Variants in SEMA5A observed in about 807,000 individuals in gnomAD.
SEMA5A encodes the protein semaphorin 5A.
SEMA5A carries 55 observed loss-of-function variants against 135.5 expected under a neutral mutation model. The observed-to-expected ratio is 0.41, with a 90% CI of 0.33 to 0.51. The LOEUF (loss-of-function observed/expected upper bound fraction) is 0.51. SEMA5A is among the 20% of genes least tolerant of loss of function. The probability of loss-of-function intolerance (pLI) is 0.37; values close to 1 mark genes in which losing one functional copy is unlikely to be tolerated. For synonymous variants in SEMA5A, 580 were observed against 546.5 expected, an observed-to-expected ratio of 1.06 and a Z score of -0.85; for missense variants, 1,290 against 1,419.9, an observed-to-expected ratio of 0.91 and a Z score of 1.47.
At chr5:9,334,746 A>G (rs1171840645) in intron 4 of SEMA5A, among the ~76,000 whole-genome samples, 2 of 152,190 alleles carry the variant, frequency 1.3e-5, no homozygotes, top group Admixed American at 6.5e-5. Flanking sequence ...CTCTAGAATA[A>G]AAAACTACAG....
intron 16 of SEMA5A, among the ~76,000 whole-genome samples, chr5:9,107,105 C>T (rs1297660861): frequency 6.6e-6 from 1 of 152,192 alleles, no homozygotes; most frequent in Non-Finnish European, 1.5e-5. Context: ...GATAAAGATG[C>T]TGCAAAGGCC....
At chr5:9,157,263 T>C (rs2150269892) in intron 11 of SEMA5A, among the ~76,000 whole-genome samples, 1 of 152,328 alleles carries the variant, frequency 6.6e-6, no homozygotes, top group South Asian at 2.1e-4. Flanking sequence ...ACATGTTTGG[T>C]CACAGCCTTC....
chr5:9,410,402 C>T lies in SEMA5A; in HGVS notation c.-78+27354G>A, dbSNP rs942284525. Among the ~76,000 whole-genome samples the T allele has an allele frequency of 3.9e-5, 6 of 152,288 alleles. No individual in the cohort carries two copies. In the South Asian group the frequency reaches 8.3e-4, roughly 21 times the overall value. ...GTTCCATTTTCCTGGGGCTGTTTTA[C>T]TGCGTGACTTCCCTGGGCATTCAAC... On this transcript the variant is annotated intron_variant, in intron 2 of 22. Transcript: ENST00000382496.
intron 8 of SEMA5A, among the ~76,000 whole-genome samples, chr5:9,219,809 A>T (rs886217290): frequency 1.3e-5 from 2 of 152,190 alleles, no homozygotes; most frequent in African/African-American, 4.8e-5. Flanking sequence ...AGATTGAAAA[A>T]CAAAGAAATG....
chr5:9,466,483 T>C (rs1238006830), intron 1 of SEMA5A, among the ~76,000 whole-genome samples: 6 of 152,056 alleles, frequency 3.9e-5, no homozygotes, highest in Admixed American at 6.5e-5. Flanking sequence ...ATTGAAGGGC[T>C]ACTGAGCAGT....
At chr5:9,123,917 C>T (rs919279546) in intron 13 of SEMA5A, among the ~76,000 whole-genome samples, 3 of 152,050 alleles carry the variant, frequency 2.0e-5, no homozygotes, top group African/African-American at 7.2e-5. Flanking sequence ...GGAGAGAACA[C>T]CCAACATGCT....
chr5:9,201,114 A>T (rs1411063628), intron 9 of SEMA5A, among the ~76,000 whole-genome samples: 1 of 152,210 alleles, frequency 6.6e-6, no homozygotes, highest in Non-Finnish European at 1.5e-5. Flanking sequence ...GGTGATCCAA[A>T]TCAGAACCCA....
chr5:9,308,365 A>G (rs1751969352), intron 5 of SEMA5A, among the ~76,000 whole-genome samples: 1 of 152,108 alleles, frequency 6.6e-6, no homozygotes, highest in Non-Finnish European at 1.5e-5. Context: ...GTTGGTTATA[A>G]ATCGCCACAG....
At chr5:9,342,685 G>A (rs34333927) in intron 3 of SEMA5A, among the ~76,000 whole-genome samples, 28,485 of 152,088 alleles carry the variant, frequency 0.19, 2,969 homozygotes, top group Non-Finnish European at 0.22. Flanking sequence ...ACAAAATAAC[G>A]CTAACAATAT....
rs144967099 is a variant in SEMA5A at position 9,416,758 on chromosome 5, A to G, written c.-78+20998T>C. Among the ~76,000 whole-genome samples the G allele has an allele frequency of 1.4e-3, 206 of 152,316 alleles. 2 individuals are homozygous for G. The highest frequency in any genetic ancestry group is 4.6e-3 in the African/African-American group (193 of 41,576). On this transcript the variant is annotated intron_variant, in intron 2 of 22. Coordinates refer to ENST00000382496, the MANE Select transcript of SEMA5A (RefSeq NM_003966.3). Reference sequence around the variant, plus strand: ...TTCCCCTCCTCAGGAACATTTGGCAATACCTGGGGACAATTCTGGTTACCA... The same window carrying G: ...TTCCCCTCCTCAGGAACATTTGGCAGTACCTGGGGACAATTCTGGTTACCA...
At chr5:9,407,246 T>C (rs1756921845) in intron 2 of SEMA5A, among the ~76,000 whole-genome samples, 1 of 152,228 alleles carries the variant, frequency 6.6e-6, no homozygotes, top group African/African-American at 2.4e-5. Context: ...ACAAGTAGAC[T>C]AAACATAAAG....
chr5:9,351,534 C>T (rs1034166770), intron 3 of SEMA5A, among the ~76,000 whole-genome samples: 2 of 151,990 alleles, frequency 1.3e-5, no homozygotes, highest in African/African-American at 4.8e-5. Context: ...TACTGTCTCA[C>T]AGAAACCAGT....
chr5:9,188,267 C>G (rs1291126266), intron 11 of SEMA5A, among the ~76,000 whole-genome samples: 4 of 152,228 alleles, frequency 2.6e-5, no homozygotes, highest in Non-Finnish European at 4.4e-5. Flanking sequence ...CCACCATGAT[C>G]TTAGACTTCT....
At chr5:9,050,288 T>A in intron 21 of SEMA5A, 122 bp downstream of exon 21, 1 of 834,674 alleles carries the variant, frequency 1.2e-6, no homozygotes, top group Non-Finnish European at 1.8e-6. Flanking sequence ...CTGGGATCCA[T>A]GACTTTCTCC....
intron 10 of SEMA5A, among the ~76,000 whole-genome samples, chr5:9,196,726 T>C (rs1464892252): frequency 6.6e-6 from 1 of 152,212 alleles, no homozygotes; most frequent in Non-Finnish European, 1.5e-5. Context: ...TCACATTCTG[T>C]CCTTCCCAAC....
chr5:9,130,032 C>T (rs953683874), intron 13 of SEMA5A, among the ~76,000 whole-genome samples: 3 of 152,174 alleles, frequency 2.0e-5, no homozygotes, highest in Non-Finnish European at 2.9e-5. Context: ...TTACCCCCAA[C>T]TCTGTAATAG....
At chr5:9,212,864 A>T (rs1341528113) in intron 8 of SEMA5A, among the ~76,000 whole-genome samples, 6 of 152,238 alleles carry the variant, frequency 3.9e-5, no homozygotes, top group Non-Finnish European at 8.8e-5. Flanking sequence ...AAAGAAGTCA[A>T]CTATCTACCC....
intron 16 of SEMA5A, among the ~76,000 whole-genome samples, chr5:9,071,453 C>T (rs1386978267): frequency 2.0e-5 from 3 of 152,092 alleles, no homozygotes; most frequent in East Asian, 1.9e-4. Flanking sequence ...AACTTTGTCA[C>T]GTTTATTTTA....
chr5:9,330,416 GT>G (rs11386960), intron 4 of SEMA5A, among the ~76,000 whole-genome samples: 3 of 149,076 alleles, frequency 2.0e-5, no homozygotes, highest in Non-Finnish European at 4.4e-5. Context: ...GTACAGATTA[GT>G]TTTTTTTGTT....
Sources: gnomAD v4.1 joint callset for allele counts (sites outside exome capture counted in the v4.1 genomes callset) on GRCh38, gnomAD v4.1.1 for gene constraint, MANE v1.5 for transcripts, NCBI Gene and HGNC (gene_info 2026-07-23, HGNC 2026-07-21) for gene names.